Variants in VWCE observed in about 807,000 individuals in gnomAD.
VWCE encodes the protein von Willebrand factor C and EGF domains.
Under a neutral mutation model 102.9 loss-of-function variants are expected in VWCE, and 68 were observed. The observed-to-expected ratio is 0.66, with a 90% confidence interval of 0.54 to 0.81. The LOEUF is 0.81. Among genes scored for constraint, VWCE ranks in the 30% least tolerant of loss-of-function variants. The pLI is 0.00. For missense variants in VWCE, 1,137 were observed against 1,263.6 expected (o/e 0.90, Z 1.52); for synonymous variants, 497 against 515.4 (o/e 0.96, Z 0.48).
chr11:61,267,178 A>G (rs1372477487), intron 16 of VWCE, among the ~76,000 whole-genome samples: 1 of 152,116 alleles, frequency 6.6e-6, no homozygotes, highest in Non-Finnish European at 1.5e-5. Context: ...GAATCGCTTG[A>G]ACTCGGGAAG....
chr11:61,286,366 C>A lies in VWCE; in HGVS notation c.489G>T (p.Val163=). The change falls in exon 5 of 20, where the codon GTG becomes GTT. Residue 163 remains valine (V), a synonymous_variant. Transcript: ENST00000335613. ...GCTGCATGCCCGGCCCACACTCGCA[C>A]ACAAACCCACCTTCTGTGTTCACAC... ...GHCVNTEGGF[V]CECGPGMQLS... is the part of the protein sequence containing the mutation. The A allele has an allele frequency of 6.2e-7, 1 of 1,612,410 alleles. No homozygotes were observed. Among genetic ancestry groups the A allele is most frequent in the Non-Finnish European group, 8.5e-7 (1 of 1,180,044 alleles).
In VWCE at chr11:61,258,939, A is replaced by T. The variant is rs779003635; in HGVS notation, c.2604T>A (p.Pro868=). ...AGAACGAGCGCTCTGGAGTCACAGG[A>T]GGTGGCTGAGGAGCCCCTGGGGAAG... is the stretch of plus-strand genomic sequence containing the variant. ...PLASPGAPQP[P]PVTPERSFSA... is the part of the protein sequence containing the mutation. The change falls in exon 20 of 20, where the codon CCT becomes CCA. Residue 868 remains proline, a synonymous_variant. Coordinates refer to ENST00000335613, the MANE Select transcript of VWCE (RefSeq NM_152718.2). 6.4e-7 allele frequency: 1 copy of T among 1,560,616 alleles called. No individual in the cohort carries two copies. Among genetic ancestry groups the T allele is most frequent in the Non-Finnish European group, 8.6e-7 (1 of 1,156,090 alleles).
At chr11:61,279,927 A>G (rs1263288017) in intron 9 of VWCE, among the ~76,000 whole-genome samples, 2 of 152,146 alleles carry the variant, frequency 1.3e-5, no homozygotes, top group Non-Finnish European at 2.9e-5. Context: ...GGTCCTCCCT[A>G]TAGACACGGG....
chr11:61,287,103 GA>G (rs1401947887), intron 4 of VWCE, among the ~76,000 whole-genome samples: 1 of 150,616 alleles, frequency 6.6e-6, no homozygotes, highest in African/African-American at 2.4e-5. Flanking sequence ...TCTCAAGAAA[GA>G]AAAAAAAAGA....
In VWCE at chr11:61,294,879, G is replaced by A. The variant is rs567134008; in HGVS notation, c.110+49C>T. On this transcript the variant is annotated intron_variant, in intron 1 of 19. Transcript: ENST00000335613. The surrounding 1 kb of genome is among the most constrained non-coding windows in gnomAD (Gnocchi z 6.3). ...CCTCCGCGCCTCTCGACTGCACGCCGGTAGCGCTCTCCCGGGCGGGGGAGC... is the reference window on the plus strand; with the variant it reads ...CCTCCGCGCCTCTCGACTGCACGCCAGTAGCGCTCTCCCGGGCGGGGGAGC... The A allele has an allele frequency of 4.8e-5, 61 of 1,273,464 alleles. 3 individuals carry two copies. In the South Asian group the frequency reaches 1.1e-3, roughly 23 times the overall value. The allele number at this position is 1,273,464 out of a possible 1,614,324, so 78.9% of individuals were successfully genotyped here.
chr11:61,282,014 A>G, intron 6 of VWCE, 100 bp from the exon 7 acceptor site: 2 of 1,516,748 alleles, frequency 1.3e-6, no homozygotes, highest in South Asian at 1.3e-5. Flanking sequence ...TTTCTCTGCC[A>G]TGTTCTTACA....
rs763845174 is a variant in VWCE, at chr11:61,280,847, C to T, written c.1176G>A (p.Met392Ile). ...CTGTCCAGCGACTCCTTGATTCATG[C>T]ATGGCTCCCAGGTGCCAGCAGGGAG... ...GPSPCWHLGA[M>I]HESRSRWTEP... is the part of the protein sequence containing the mutation. Residue 392 changes from methionine (M) to isoleucine (I), a missense_variant, in exon 8 of 20, where the codon ATG becomes ATA. By Grantham distance (10) the Met-to-Ile change is conservative. This residue lies in a region of VWCE where 575 missense variants were observed against 625.9 expected (regional missense o/e 0.92). Transcript: ENST00000335613. 1 of 1,548,024 alleles carries T rather than the reference C, an allele frequency of 6.5e-7. No homozygotes were observed. Among genetic ancestry groups the T allele is most frequent in the Admixed American group, 2.0e-5 (1 of 50,920 alleles).
At chr11:61,259,817 T>TA (rs1294403277) in intron 19 of VWCE, among the ~76,000 whole-genome samples, 1 of 152,184 alleles carries the variant, frequency 6.6e-6, no homozygotes, top group East Asian at 1.9e-4. Context: ...CAAACTGCTC[T>TA]AAAAAATAGT....
chr11:61,280,552 G>C, intron 9 of VWCE, 72 bp downstream of exon 9: 1 of 1,485,764 alleles, frequency 6.7e-7, no homozygotes, highest in Non-Finnish European at 9.3e-7. Flanking sequence ...TTAAAGAACA[G>C]CCTTTTGGCT....
Position 61,281,823 on chromosome 11 carries a change from A to C in VWCE, c.750T>G (p.Pro250=). ...CGCGGTCAGCTCGGAGCCTGAAGCC[A>C]GGTCGGCATGTGCATAGGAAGCTGC... The part of the protein sequence containing the change: ...TVGSFLCTCR[P]GFRLRADRVS... The change falls in exon 7 of 20, where the codon CCT becomes CCG. Residue 250 remains proline, a synonymous_variant. Transcript: ENST00000335613. The C allele has an allele frequency of 5.0e-6, 8 of 1,613,838 alleles. No individual in the cohort carries two copies. The highest frequency in any genetic ancestry group is 6.8e-6 in the Non-Finnish European group (8 of 1,179,834).
chr11:61,263,180 G>A (rs1025053208), intron 19 of VWCE, among the ~76,000 whole-genome samples: 2 of 151,918 alleles, frequency 1.3e-5, no homozygotes, highest in Admixed American at 6.6e-5. Flanking sequence ...GGTGGTGTGC[G>A]CCTATAATCC....
At chr11:61,282,533 G>A (rs1855175508) in intron 6 of VWCE, 2 of 418,954 alleles carry the variant, frequency 4.8e-6, no homozygotes. Flanking sequence ...TCCTTGGGGT[G>A]TATCTGGGAG....
At chr11:61,267,153 G>A (rs911975268) in intron 16 of VWCE, among the ~76,000 whole-genome samples, 2 of 152,176 alleles carry the variant, frequency 1.3e-5, no homozygotes, top group Admixed American at 6.5e-5. Context: ...AGCTACTTGG[G>A]AGGCTGACAC....
At chr11:61,273,077 CAA>C in intron 13 of VWCE, 120 bp downstream of exon 13, 1 of 982,762 alleles carries the variant, frequency 1.0e-6, no homozygotes, top group African/African-American at 1.6e-5. Flanking sequence ...CACACGCACA[CAA>C]AGACACATGT....
At chr11:61,263,664 G>A (rs949673709) in intron 19 of VWCE, among the ~76,000 whole-genome samples, 3 of 152,084 alleles carry the variant, frequency 2.0e-5, no homozygotes, top group Non-Finnish European at 2.9e-5. Context: ...TAAAAGCATC[G>A]ACTCCAGTCT....
rs1172482512 is a variant in VWCE at position 61,265,037 on chromosome 11, G to A, written c.2058C>T (p.Asp686=). 6.2e-7 allele frequency: 1 copy of A among 1,614,160 alleles called. No individual in the cohort carries two copies. The change falls in exon 18 of 20, where the codon GAC becomes GAT. Residue 686 remains aspartate, a splice_region_variant and synonymous_variant. Coordinates refer to ENST00000335613, the MANE Select transcript of VWCE (RefSeq NM_152718.2). The part of the protein sequence containing the change: ...PDGECCPVCR[D]CNYEGRKVAN... Reference sequence around the variant, plus strand: ...CCACCTTCCTTCCCTCGTAGTTGCAGTCTGTGGAGGAAGGGGAGACAGGAG... The same window carrying A: ...CCACCTTCCTTCCCTCGTAGTTGCAATCTGTGGAGGAAGGGGAGACAGGAG...
intron 10 of VWCE, 66 bp from the exon 11 acceptor site, chr11:61,276,746 C>T: frequency 1.5e-6 from 2 of 1,316,152 alleles, no homozygotes; most frequent in Non-Finnish European, 1.0e-6. Flanking sequence ...CCCCATCTCA[C>T]AGCAGGCCCT....
rs764741197 is a variant in VWCE, at chr11:61,293,241, C to CAAAAA, written c.111-1670_111-1666dup. ...GGGCAACAAGAGCAAAACTCCATCT[C>CAAAAA]AAAAAAAAAAAAAAAAAAAAAAAAA... On this transcript the variant is annotated intron_variant, in intron 1 of 19. Coordinates refer to ENST00000335613, the MANE Select transcript of VWCE (RefSeq NM_152718.2). Among the ~76,000 whole-genome samples the CAAAAA allele has an allele frequency of 9.3e-3, 167 of 18,024 alleles. 26 individuals are homozygous for CAAAAA. Among genetic ancestry groups the CAAAAA allele is most frequent in the African/African-American group, 0.03 (152 of 5,126 alleles). The allele number at this position is 18,024 out of a possible 152,430, so 11.8% of individuals were successfully genotyped here. A position where few individuals can be genotyped will look rare whatever the true frequency, so the allele number is the denominator to read the frequency against.
At chr11:61,266,527 G>A (rs976107519) in intron 16 of VWCE, among the ~76,000 whole-genome samples, 3 of 151,692 alleles carry the variant, frequency 2.0e-5, no homozygotes, top group Non-Finnish European at 1.5e-5. Context: ...CAACCTGGGT[G>A]ACAGAGCAAC....
Sources: allele counts gnomAD v4.1 joint callset (sites outside exome capture counted in the v4.1 genomes callset), GRCh38; gene constraint gnomAD v4.1.1; regional missense constraint gnomAD v4.1.1; non-coding constraint Gnocchi (gnomAD v3.1); transcripts MANE v1.5; gene names NCBI Gene and HGNC (gene_info 2026-07-23, HGNC 2026-07-21).